The following CXCL13 variants were observed in gnomAD, a reference collection of about 807,000 sequenced individuals.
The protein encoded by CXCL13 is C-X-C motif chemokine 13.
CXCL13 carries 7 observed loss-of-function variants against 12.2 expected under a neutral mutation model. That is an observed-to-expected ratio of 0.57 (90% CI 0.33 to 1.07). CXCL13 has a LOEUF of 1.07. Ranked by LOEUF, CXCL13 falls within the 50% of genes least tolerant of loss-of-function variation. The probability of loss-of-function intolerance (pLI) is 0.04; values close to 1 mark genes in which losing one functional copy is unlikely to be tolerated. For missense variants in CXCL13, 113 were observed against 127.4 expected, an observed-to-expected ratio of 0.89 and a Z score of 0.55; for synonymous variants, 47 against 42.4, an observed-to-expected ratio of 1.11 and a Z score of -0.42.
intron 1 of CXCL13, among the ~76,000 whole-genome samples, chr4:77,587,182 T>A (rs1200531696): frequency 3.9e-5 from 6 of 152,206 alleles, no homozygotes; most frequent in African/African-American, 1.4e-4. Flanking sequence ...TCTGATGTCT[T>A]ACTTGCCGAA....
intron 1 of CXCL13, among the ~76,000 whole-genome samples, chr4:77,516,550 G>C (rs1057002734): frequency 7.9e-5 from 12 of 151,584 alleles, no homozygotes; most frequent in African/African-American, 1.5e-4. Flanking sequence ...GTGTATGTGT[G>C]GAGGAATTTA....
At chr4:77,608,179 G>A (rs1328143150) in intron 2 of CXCL13, among the ~76,000 whole-genome samples, 4 of 152,122 alleles carry the variant, frequency 2.6e-5, no homozygotes, top group Non-Finnish European at 4.4e-5. Context: ...GGTGGCTCAC[G>A]CCTGTAATCC....
chr4:77,537,446 G>T (rs1313888008), intron 1 of CXCL13, among the ~76,000 whole-genome samples: 1 of 152,194 alleles, frequency 6.6e-6, no homozygotes, highest in Non-Finnish European at 1.5e-5. Flanking sequence ...AGAAGCCAGA[G>T]AGAACAAAAG....
intron 1 of CXCL13, among the ~76,000 whole-genome samples, chr4:77,568,226 T>TA (rs762293117): frequency 2.0e-5 from 3 of 152,352 alleles, no homozygotes; most frequent in East Asian, 3.9e-4. Context: ...TATCCTTTTT[T>TA]ATCTTCTATT....
intron 1 of CXCL13, among the ~76,000 whole-genome samples, chr4:77,559,729 T>C (rs1725756675): frequency 6.6e-6 from 1 of 151,986 alleles, no homozygotes; most frequent in Non-Finnish European, 1.5e-5. Flanking sequence ...GAGACCACCC[T>C]GGCTAACATT....
chr4:77,552,031 A>G (rs1327725819), intron 1 of CXCL13, among the ~76,000 whole-genome samples: 1 of 152,008 alleles, frequency 6.6e-6, no homozygotes. Flanking sequence ...CTTATCTTGT[A>G]TCTCATTGAA....
At chr4:77,555,606 GCAGA>G (rs1236501694) in intron 1 of CXCL13, among the ~76,000 whole-genome samples, 1 of 151,958 alleles carries the variant, frequency 6.6e-6, no homozygotes, top group African/African-American at 2.4e-5. Flanking sequence ...TAAACCTGGA[GCAGA>G]CAAAGATTTC....
intron 1 of CXCL13, among the ~76,000 whole-genome samples, chr4:77,521,696 A>G (rs1338412641): frequency 6.7e-6 from 1 of 150,220 alleles, no homozygotes; most frequent in Non-Finnish European, 1.5e-5. Context: ...TTTGAAGGGT[A>G]TTTTTGTCTC....
intron 1 of CXCL13, among the ~76,000 whole-genome samples, chr4:77,531,163 G>T (rs1431327818): frequency 6.7e-6 from 1 of 149,500 alleles, no homozygotes; most frequent in Non-Finnish European, 1.5e-5. Flanking sequence ...TAGGGTACAT[G>T]TGCACAACGT....
At position 77,608,636 on chromosome 4, in the gene CXCL13, T is replaced by C. The variant is rs367545097; in HGVS notation, c.197+801T>C. 1.1e-4 allele frequency among the ~76,000 whole-genome samples: 17 copies of C among 152,338 alleles called. No individual in the cohort carries two copies. In the East Asian group the frequency reaches 1.9e-3, roughly 17 times the overall value. On this transcript the variant is annotated intron_variant, in intron 2 of 3. Transcript: ENST00000682537. ...TTTTGCAATGTTTGTAAGCAGCTAC[T>C]TCCTCTTTGTCACATTTTGTTACCA... is the stretch of plus-strand genomic sequence containing the variant.
rs777857811 is a variant in CXCL13, at chr4:77,522,514, C to CTTTTTTTTTT, written c.-43+10747_-43+10756dup. Among the ~76,000 whole-genome samples, 23 of 10,090 alleles carry CTTTTTTTTTT rather than the reference C, an allele frequency of 2.3e-3. 7 individuals carry two copies. Among genetic ancestry groups the CTTTTTTTTTT allele is most frequent in the African/African-American group, 4.7e-3 (12 of 2,558 alleles). 6.6% of individuals were successfully genotyped at this position (10,090 alleles called of 152,430 possible). A position where few individuals can be genotyped will look rare whatever the true frequency, so the allele number is the denominator to read the frequency against. ...TCAGAGACTAGGACTGCAACCCCTGCTTTTTTTTTTTTTTTTTTTTTTTTT... is the reference window on the plus strand; with the variant it reads ...TCAGAGACTAGGACTGCAACCCCTGCTTTTTTTTTTTTTTTTTTTTTTTTTTTTTTTTTTT... On this transcript the variant is annotated intron_variant, in intron 1 of 4. Coordinates refer to the CXCL13 transcript ENST00000286758.
intron 1 of CXCL13, among the ~76,000 whole-genome samples, chr4:77,593,776 A>G (rs1487065172): frequency 6.6e-6 from 1 of 152,214 alleles, no homozygotes; most frequent in South Asian, 2.1e-4. Flanking sequence ...TCTTGCAGAG[A>G]AGAACATATG....
intron 1 of CXCL13, among the ~76,000 whole-genome samples, chr4:77,575,936 T>C (rs1194316318): frequency 6.6e-6 from 1 of 151,866 alleles, no homozygotes; most frequent in Non-Finnish European, 1.5e-5. Flanking sequence ...ACAATTAAGG[T>C]TGTTATGTTA....
intron 1 of CXCL13, among the ~76,000 whole-genome samples, chr4:77,543,401 G>C (rs554176051): frequency 3.5e-4 from 53 of 152,030 alleles, no homozygotes; most frequent in African/African-American, 1.3e-3. Context: ...TGCTAGCTTT[G>C]GGGTTAGCTC....
At chr4:77,528,770 C>T (rs1192298520) in intron 1 of CXCL13, among the ~76,000 whole-genome samples, 1 of 152,156 alleles carries the variant, frequency 6.6e-6, no homozygotes, top group Non-Finnish European at 1.5e-5. Flanking sequence ...TGTGCAGAAG[C>T]TCTTCAGTTT....
At chr4:77,571,293 G>A (rs1386882925) in intron 1 of CXCL13, among the ~76,000 whole-genome samples, 1 of 151,688 alleles carries the variant, frequency 6.6e-6, no homozygotes, top group Non-Finnish European at 1.5e-5. Flanking sequence ...CTCAGGGATT[G>A]TAAATACACC....
chr4:77,523,579 C>T (rs1057489823), intron 1 of CXCL13, among the ~76,000 whole-genome samples: 1 of 152,180 alleles, frequency 6.6e-6, no homozygotes, highest in Non-Finnish European at 1.5e-5. Context: ...TTAATGTCTT[C>T]TCTACACTGT....
chr4:77,584,069 G>A (rs527966837), intron 1 of CXCL13, among the ~76,000 whole-genome samples: 1 of 152,332 alleles, frequency 6.6e-6, no homozygotes, highest in South Asian at 2.1e-4. Context: ...AGGGGCAACA[G>A]GAGTCTATGG....
chr4:77,554,041 A>G (rs1725598811), intron 1 of CXCL13, among the ~76,000 whole-genome samples: 1 of 152,156 alleles, frequency 6.6e-6, no homozygotes, highest in Non-Finnish European at 1.5e-5. Flanking sequence ...TATGTATTTT[A>G]TAATATCGTG....
Sources: allele counts gnomAD v4.1 joint callset (sites outside exome capture counted in the v4.1 genomes callset), GRCh38; gene constraint gnomAD v4.1.1; transcripts MANE v1.5; gene names NCBI Gene and HGNC (gene_info 2026-07-23, HGNC 2026-07-21).